The following PNLDC1 variants were observed in gnomAD, a reference collection of about 807,000 sequenced individuals.
PNLDC1 encodes poly(A)-specific ribonuclease PNLDC1.
A neutral mutation model predicts 82.0 loss-of-function variants in PNLDC1; 70 were observed. That is an observed-to-expected ratio of 0.85 (90% CI 0.70 to 1.04). The LOEUF (loss-of-function observed/expected upper bound fraction) is 1.04. Ranked by LOEUF, PNLDC1 falls within the 50% of genes least tolerant of loss-of-function variation. The pLI is 0.00. For missense variants in PNLDC1, 631 were observed against 661.1 expected (o/e 0.95, Z 0.50); for synonymous variants, 280 against 249.3 (o/e 1.12, Z -1.16).
rs777475432 is a variant in PNLDC1 at position 159,803,315 on chromosome 6, G to A, written c.248+5G>A. ...TATTGAAGGAGAGGCAAACAAGTAT[G>A]TATCAAGAGCTTCTGCAAACATAGG... On this transcript the variant is annotated splice_donor_5th_base_variant and intron_variant, in intron 4 of 18. Coordinates refer to ENST00000392167, the MANE Select transcript of PNLDC1 (RefSeq NM_001271862.2). 3.1e-6 allele frequency: 5 copies of A among 1,612,152 alleles called. No individual in the cohort carries two copies. The highest frequency in any genetic ancestry group is 3.4e-6 in the Non-Finnish European group (4 of 1,178,354).
At chr6:159,805,762 A>G (rs777471177) in intron 6 of PNLDC1, 16 of 528,862 alleles carry the variant, frequency 3.0e-5, no homozygotes, top group Non-Finnish European at 4.8e-5. Flanking sequence ...GGGATTGAAT[A>G]TATGCCTGGA....
intron 3 of PNLDC1, among the ~76,000 whole-genome samples, chr6:159,802,284 G>T (rs1331406585): frequency 2.6e-5 from 4 of 151,958 alleles, no homozygotes; most frequent in African/African-American, 9.7e-5. Flanking sequence ...TTCTGGGTTT[G>T]TCTGTGCCCT....
chr6:159,808,489 C>T (rs555843523), intron 7 of PNLDC1, among the ~76,000 whole-genome samples: 20 of 145,810 alleles, frequency 1.4e-4, no homozygotes, highest in African/African-American at 4.6e-4. Context: ...CACATAAACA[C>T]AAGCTCTATG....
At chr6:159,814,284 ATG>A (rs1167333076) in intron 12 of PNLDC1, among the ~76,000 whole-genome samples, 1 of 151,988 alleles carries the variant, frequency 6.6e-6, no homozygotes, top group African/African-American at 2.4e-5. Context: ...CCTGTTCTGG[ATG>A]TGTGTGTGCG....
At chr6:159,817,807 AT>A (rs1247502656) in intron 15 of PNLDC1, among the ~76,000 whole-genome samples, 1 of 152,254 alleles carries the variant, frequency 6.6e-6, no homozygotes, top group Non-Finnish European at 1.5e-5. Context: ...ATGTAGAAAT[AT>A]CTTTTTGGAC....
chr6:159,819,926 G>A lies in PNLDC1; in HGVS notation c.1533-528G>A, dbSNP rs1781980034. On this transcript the variant is annotated intron_variant, in intron 18 of 18. Transcript: ENST00000392167. The surrounding 1 kb of genome is among the most constrained non-coding windows in gnomAD (Gnocchi z 4.6). The stretch of plus-strand genomic sequence containing the variant: ...GGACGTGGGCTTCTCTCAGGAGAGA[G>A]GGAATCGCGGAAGTTACAGCAAGAA... Among the ~76,000 whole-genome samples, 1 of 152,122 alleles carries A rather than the reference G, an allele frequency of 6.6e-6. No individual in the cohort carries two copies. The highest frequency in any genetic ancestry group is 6.5e-5 in the Admixed American group (1 of 15,276).
intron 7 of PNLDC1, among the ~76,000 whole-genome samples, chr6:159,806,815 GGT>G (rs1781464579): frequency 6.6e-6 from 1 of 151,416 alleles, no homozygotes; most frequent in Non-Finnish European, 1.5e-5. Context: ...ACATTCCTTA[GGT>G]GTGTGCCAAA....
chr6:159,804,494 AG>A, intron 5 of PNLDC1, 54 bp from the exon 6 acceptor site: 1 of 1,219,240 alleles, frequency 8.2e-7, no homozygotes, highest in Non-Finnish European at 1.2e-6. Context: ...TCAGGCACAG[AG>A]GATCCCTCTG....
chr6:159,818,134 G>A (rs1179683791), intron 15 of PNLDC1, among the ~76,000 whole-genome samples: 1 of 152,232 alleles, frequency 6.6e-6, no homozygotes, highest in Non-Finnish European at 1.5e-5. Context: ...GCTCAGGTGT[G>A]TGTGCTCCCT....
At chr6:159,800,503 CA>C (rs1781201940) in intron 1 of PNLDC1, 120 bp downstream of exon 1, 28 of 1,327,694 alleles carry the variant, frequency 2.1e-5, no homozygotes, top group Non-Finnish European at 2.8e-5. Context: ...TCGGGAAGGA[CA>C]GGGGGGCTTC....
chr6:159,805,111 C>T (rs144878454), intron 6 of PNLDC1, among the ~76,000 whole-genome samples: 1,742 of 152,318 alleles, frequency 0.011, 18 homozygotes, highest in Middle Eastern at 0.068. Flanking sequence ...TGTGTCTGCC[C>T]TGCTGTGCCT....
upstream of PNLDC1, among the ~76,000 whole-genome samples, chr6:159,799,689 C>T (rs192932993): frequency 1.2e-3 from 183 of 152,166 alleles, no homozygotes; most frequent in Middle Eastern, 0.017. Context: ...AGTGAGTGCA[C>T]GAGATAATCC....
chr6:159,800,057 C>T (rs1186368604), upstream of PNLDC1, among the ~76,000 whole-genome samples: 1 of 152,208 alleles, frequency 6.6e-6, no homozygotes, highest in Non-Finnish European at 1.5e-5. Context: ...AAAGAAATTG[C>T]TGAGGAGCCA....
At chr6:159,803,673 T>G (rs1366362428) in intron 4 of PNLDC1, among the ~76,000 whole-genome samples, 1 of 152,074 alleles carries the variant, frequency 6.6e-6, no homozygotes, top group East Asian at 1.9e-4. Context: ...TCAGGATGCC[T>G]CCCCACCCCC....
intron 4 of PNLDC1, 163 bp downstream of exon 4, chr6:159,803,473 C>G: frequency 1.6e-6 from 1 of 642,520 alleles, no homozygotes; most frequent in Middle Eastern, 3.5e-4. Context: ...CGGATTCCAG[C>G]TTGTCTTTGA....
At position 159,804,588 on chromosome 6, in the gene PNLDC1, GAGA is replaced by G; in HGVS notation, c.417_419del (p.Lys140del). 1 of 1,610,800 alleles carries G rather than the reference GAGA, an allele frequency of 6.2e-7. No homozygotes were observed. Among genetic ancestry groups the G allele is most frequent in the Non-Finnish European group, 8.5e-7 (1 of 1,177,018 alleles). Reference sequence around the variant, plus strand: ...AATCCCATATATGAATGAAGAACAGGAGAAGAAAATTAGACACGATATCCTGAC... The same window carrying G: ...AATCCCATATATGAATGAAGAACAGGAGAAAATTAGACACGATATCCTGAC... On this transcript the variant is annotated inframe_deletion, in exon 6 of 19. Coordinates refer to ENST00000392167, the MANE Select transcript of PNLDC1 (RefSeq NM_001271862.2).
chr6:159,800,392 C>G lies in PNLDC1; in HGVS notation c.76+9C>G. The G allele has an allele frequency of 6.5e-7, 1 of 1,547,472 alleles. No individual in the cohort carries two copies. The highest frequency in any genetic ancestry group is 8.7e-7 in the Non-Finnish European group (1 of 1,146,002). On this transcript the variant is annotated intron_variant, in intron 1 of 18. Transcript: ENST00000392167. ...GGAGGCCGACTTCGTGGGTGAAGAG[C>G]CTGGGATTCGCGGCTGTGCCGGACA...
Position 159,809,053 on chromosome 6 carries a change from T to G in PNLDC1, c.678T>G (p.Tyr226Ter). Residue 226 changes from tyrosine to a stop codon, truncating the protein, a stop_gained, in exon 9 of 19, where the codon TAT becomes TAG. Transcript: ENST00000392167. LOFTEE classifies it high-confidence loss of function. ...VKKVSKQHRW[Y>*]LQNTSCDRES... is the part of the protein sequence containing the mutation. ...AAGTGAGTAAACAACATCGTTGGTA[T>G]CTTCAGAACACCTCTTGTGACCGAG... 1 of 1,613,790 alleles carries G rather than the reference T, an allele frequency of 6.2e-7. No homozygotes were observed. Among genetic ancestry groups the G allele is most frequent in the Non-Finnish European group, 8.5e-7 (1 of 1,179,948 alleles).
At chr6:159,809,966 T>C in intron 9 of PNLDC1, 60 bp from the exon 10 acceptor site, 1 of 1,365,006 alleles carries the variant, frequency 7.3e-7, no homozygotes, top group Non-Finnish European at 1.0e-6. Context: ...AAACTGTTAG[T>C]CTGTAGTGTC....
Sources: gnomAD v4.1 joint callset for allele counts (sites outside exome capture counted in the v4.1 genomes callset) on GRCh38, gnomAD v4.1.1 for gene constraint, Gnocchi (gnomAD v3.1) non-coding constraint, MANE v1.5 for transcripts, NCBI Gene and HGNC (gene_info 2026-07-23, HGNC 2026-07-21) for gene names.